Variants in PIK3R1 observed in about 807,000 individuals in gnomAD.
The protein encoded by PIK3R1 is phosphatidylinositol 3-kinase regulatory subunit alpha.
A neutral mutation model predicts 98.0 loss-of-function variants in PIK3R1; 29 were observed. The observed-to-expected ratio is 0.30, with a 90% CI of 0.22 to 0.40. PIK3R1 has a LOEUF of 0.40. Ranked by LOEUF, PIK3R1 falls within the 10% of genes least tolerant of loss-of-function variation. PIK3R1 has a pLI of 1.00. For missense variants in PIK3R1, 596 were observed against 872.7 expected (o/e 0.68, Z 3.99); for synonymous variants, 282 against 311.8 (o/e 0.90, Z 1.01).
At chr5:68,258,368 A>G (rs1053265248) in intron 2 of PIK3R1, among the ~76,000 whole-genome samples, 1 of 152,206 alleles carries the variant, frequency 6.6e-6, no homozygotes, top group Non-Finnish European at 1.5e-5. Context: ...ATCCTGTGTT[A>G]TATACATCTC....
At chr5:68,282,174 C>T (rs758619062) in intron 7 of PIK3R1, among the ~76,000 whole-genome samples, 1 of 152,242 alleles carries the variant, frequency 6.6e-6, no homozygotes, top group Non-Finnish European at 1.5e-5. Flanking sequence ...AGGTAAACTA[C>T]GTCAAAGAAG....
At chr5:68,228,498 C>A (rs547642049) in intron 2 of PIK3R1, among the ~76,000 whole-genome samples, 238 of 152,216 alleles carry the variant, frequency 1.6e-3, no homozygotes, top group African/African-American at 5.5e-3. Context: ...GCAGATCAAT[C>A]AAAAAACCAT....
At chr5:68,278,750 A>G (rs6871851) in intron 4 of PIK3R1, among the ~76,000 whole-genome samples, 1,957 of 151,954 alleles carry the variant, frequency 0.013, 46 homozygotes, top group African/African-American at 0.044. Flanking sequence ...GACCAGCCTG[A>G]CCAACATGAT....
intron 2 of PIK3R1, among the ~76,000 whole-genome samples, chr5:68,262,386 T>TTATATATATATATATATA (rs1554047786): frequency 7.2e-6 from 1 of 138,552 alleles, no homozygotes; most frequent in Admixed American, 7.1e-5. Flanking sequence ...TCTATAATTT[T>TTATATATATATATATATA]TATATATATA....
Position 68,296,194 on chromosome 5 carries a change from A to G in PIK3R1, c.1838A>G (p.Asp613Gly), listed in dbSNP as rs775828389. ...AGCCAATATTCACTGGTGGAAGATG[A>G]TGAAGATTTGCCCCATCATGATGAG... The part of the protein sequence containing the change: ...TEDQYSLVED[D>G]EDLPHHDEKT... Residue 613 changes from aspartate (D) to glycine (G), a missense_variant, in exon 15 of 16, where the codon GAT becomes GGT. This residue lies in a region of PIK3R1 where 207 missense variants were observed against 361.4 expected (regional missense o/e 0.57). Transcript: ENST00000521381. 3 of 1,614,162 alleles carry G rather than the reference A, an allele frequency of 1.9e-6. No homozygotes were observed. Among genetic ancestry groups the G allele is most frequent in the Non-Finnish European group, 2.5e-6 (3 of 1,180,016 alleles).
At chr5:68,265,121 C>T (rs1014277493) in intron 2 of PIK3R1, among the ~76,000 whole-genome samples, 2 of 152,096 alleles carry the variant, frequency 1.3e-5, no homozygotes, top group Non-Finnish European at 2.9e-5. Context: ...GGACCGGCAG[C>T]ATGGGCATCA....
intron 2 of PIK3R1, among the ~76,000 whole-genome samples, chr5:68,269,157 TGCTGATCTTTATCCTTTTCTTCCTAA>T (rs1268345730): frequency 1.4e-4 from 22 of 152,338 alleles, no homozygotes; most frequent in African/African-American, 5.3e-4. Flanking sequence ...TAAACCTTTC[TGCTGATCTTTATCCTTTTCTTCCTAA>T]GCAATACTGA....
intron 2 of PIK3R1, among the ~76,000 whole-genome samples, chr5:68,266,129 A>G (rs1580225826): frequency 6.6e-6 from 1 of 152,232 alleles, no homozygotes; most frequent in African/African-American, 2.4e-5. Context: ...GTCTGCCAGT[A>G]GCATCTTTCT....
Position 68,298,629 on chromosome 5 carries a change from A to G in PIK3R1, c.*1028A>G, listed in dbSNP as rs1747860701. On this transcript the variant is annotated 3_prime_UTR_variant, in exon 16 of 16. Coordinates refer to ENST00000521381, the MANE Select transcript of PIK3R1 (RefSeq NM_181523.3). The stretch of plus-strand genomic sequence containing the variant: ...TGAAATATTTTACAGTTTTTCTTGT[A>G]CAGAGTACTTGGCTGTTAGCCCAAG... 1.3e-5 allele frequency: 3 copies of G among 233,008 alleles called. No individual in the cohort carries two copies. The highest frequency in any genetic ancestry group is 5.6e-5 in the Admixed American group (1 of 17,782). The allele number at this position is 233,008 out of a possible 1,614,324, so 14.4% of individuals were successfully genotyped here.
At chr5:68,274,541 G>A (rs193227081) in intron 4 of PIK3R1, among the ~76,000 whole-genome samples, 2 of 151,542 alleles carry the variant, frequency 1.3e-5, no homozygotes, top group Admixed American at 1.3e-4. Context: ...ATATTGTTAT[G>A]TTCAGTGGTG....
chr5:68,217,131 A>G (rs1003062399), intron 1 of PIK3R1, among the ~76,000 whole-genome samples: 1 of 152,134 alleles, frequency 6.6e-6, no homozygotes, highest in African/African-American at 2.4e-5. Flanking sequence ...GCCAGTGCGA[A>G]GTACCAATGG....
At chr5:68,295,931 T>C (rs1747688125) in intron 14 of PIK3R1, among the ~76,000 whole-genome samples, 1 of 152,194 alleles carries the variant, frequency 6.6e-6, no homozygotes. Context: ...CTGAGTGTGG[T>C]TGCTTGAAAA....
intron 2 of PIK3R1, among the ~76,000 whole-genome samples, chr5:68,242,809 G>T (rs959681425): frequency 2.0e-5 from 3 of 152,312 alleles, no homozygotes; most frequent in African/African-American, 7.2e-5. Flanking sequence ...GTAAGTTGGA[G>T]CGTGACTATC....
chr5:68,236,408 C>A (rs902364607), intron 2 of PIK3R1, among the ~76,000 whole-genome samples: 1 of 150,864 alleles, frequency 6.6e-6, no homozygotes, highest in Admixed American at 6.6e-5. Flanking sequence ...TGCCACCACG[C>A]CCGTCTAATT....
chr5:68,292,351 G>A lies in PIK3R1; in HGVS notation c.1009G>A (p.Asp337Asn). 1 of 1,605,524 alleles carries A rather than the reference G, an allele frequency of 6.2e-7. No individual in the cohort carries two copies. The highest frequency in any genetic ancestry group is 1.1e-5 in the South Asian group (1 of 90,784). ...ACAAGATGCTGAATGGTACTGGGGA[G>A]ATATCTCGAGGTAAGGCTACAGAAA... ...SLQDAEWYWG[D>N]ISREEVNEKL... Residue 337 changes from aspartate (D) to asparagine (N), a missense_variant, in exon 8 of 16, where the codon GAT becomes AAT. This residue lies in a region of PIK3R1 where 37 missense variants were observed against 118.0 expected (regional missense o/e 0.31). Transcript: ENST00000521381.
chr5:68,241,567 G>C (rs1744875157), intron 2 of PIK3R1, among the ~76,000 whole-genome samples: 1 of 152,134 alleles, frequency 6.6e-6, no homozygotes, highest in Non-Finnish European at 1.5e-5. Flanking sequence ...CTTTGTTCCA[G>C]GCACCATGTG....
chr5:68,293,058 C>T (rs1426465521), intron 8 of PIK3R1, 43 bp from the exon 9 acceptor site: 1 of 1,461,198 alleles, frequency 6.8e-7, no homozygotes, highest in Non-Finnish European at 9.6e-7. Flanking sequence ...AATCTGTGGT[C>T]ACTAAACCTT....
At chr5:68,257,122 T>A (rs1211997371) in intron 2 of PIK3R1, among the ~76,000 whole-genome samples, 1 of 152,216 alleles carries the variant, frequency 6.6e-6, no homozygotes, top group Non-Finnish European at 1.5e-5. Flanking sequence ...CAGATTACCC[T>A]AAAATCTTAC....
At position 68,295,004 on chromosome 5, in the gene PIK3R1, C is replaced by CAA. The variant is rs397789500; in HGVS notation, c.1569-130_1569-129dup. ...TAAAATAAAATATGTTGAGCCACTC[C>CAA]AAAAAAAAAAAAAAATGACAGGAAG... On this transcript the variant is annotated intron_variant, in intron 12 of 15. Coordinates refer to ENST00000521381, the MANE Select transcript of PIK3R1 (RefSeq NM_181523.3). 0.013 allele frequency: 4,822 copies of CAA among 379,882 alleles called. 149 individuals are homozygous for CAA. Among genetic ancestry groups the CAA allele is most frequent in the African/African-American group, 0.092 (3,786 of 41,110 alleles). The allele number at this position is 379,882 out of a possible 1,614,324, so 23.5% of individuals were successfully genotyped here.
Sources: allele counts gnomAD v4.1 joint callset (sites outside exome capture counted in the v4.1 genomes callset), GRCh38; gene constraint gnomAD v4.1.1; regional missense constraint gnomAD v4.1.1; transcripts MANE v1.5; gene names NCBI Gene and HGNC (gene_info 2026-07-23, HGNC 2026-07-21).